SSBP3: variants seen among roughly 807,000 people sequenced by gnomAD.
SSBP3 encodes single stranded DNA binding protein 3, also known as single-stranded DNA-binding protein 3.
SSBP3 carries 5 observed loss-of-function variants against 69.6 expected under a neutral mutation model. The observed-to-expected ratio is 0.07, with a 90% CI of 0.04 to 0.15. The LOEUF is 0.15. Ranked by LOEUF, SSBP3 falls within the 10% of genes least tolerant of loss-of-function variation. The probability of loss-of-function intolerance (pLI) is 1.00; values close to 1 mark genes in which losing one functional copy is unlikely to be tolerated. For missense variants in SSBP3, 312 were observed against 534.0 expected (o/e 0.58, Z 4.10); for synonymous variants, 196 against 193.4 (o/e 1.01, Z -0.11).
chr1:54,397,899 C>T (rs1442190909), intron 4 of SSBP3, among the ~76,000 whole-genome samples: 1 of 152,234 alleles, frequency 6.6e-6, no homozygotes, highest in Non-Finnish European at 1.5e-5. Context: ...CAGGTCTCGC[C>T]TCTGCCAGTG....
chr1:54,404,353 C>T (rs1484606644), intron 3 of SSBP3, among the ~76,000 whole-genome samples: 1 of 152,244 alleles, frequency 6.6e-6, no homozygotes, highest in Non-Finnish European at 1.5e-5. Context: ...ACCCCAACAC[C>T]ACAGATGGTT....
chr1:54,264,698 G>A (rs994650183), intron 5 of SSBP3, among the ~76,000 whole-genome samples: 2 of 152,218 alleles, frequency 1.3e-5, no homozygotes, highest in African/African-American at 4.8e-5. Flanking sequence ...AGCTGTGAGA[G>A]TTCTCTGTAA....
chr1:54,238,317 C>A (rs1356670046), intron 14 of SSBP3: 1 of 470,978 alleles, frequency 2.1e-6, no homozygotes, highest in Non-Finnish European at 4.4e-6. Context: ...ACTTTAGGGC[C>A]CCAGGCCCAC....
At chr1:54,260,015 T>C (rs1228866595) in intron 5 of SSBP3, among the ~76,000 whole-genome samples, 1 of 152,234 alleles carries the variant, frequency 6.6e-6, no homozygotes, top group Non-Finnish European at 1.5e-5. Flanking sequence ...ACTGTGATAA[T>C]GGCACTGATT....
chr1:54,276,795 C>G (rs1451701085), intron 5 of SSBP3, among the ~76,000 whole-genome samples: 2 of 152,006 alleles, frequency 1.3e-5, no homozygotes, highest in Non-Finnish European at 2.9e-5. Flanking sequence ...TGGATCAAGC[C>G]CATACTCAAC....
At chr1:54,390,673 C>A (rs544049868) in intron 4 of SSBP3, among the ~76,000 whole-genome samples, 1 of 152,226 alleles carries the variant, frequency 6.6e-6, no homozygotes, top group Admixed American at 6.5e-5. Context: ...TTGGCCAATT[C>A]GGAGATAACG....
At chr1:54,225,441 A>C (rs1003816344) in exon 18 of SSBP3, 3 of 1,227,662 alleles carry the variant, frequency 2.4e-6, no homozygotes, top group Non-Finnish European at 2.0e-6. Context: ...CTGCGGAAAA[A>C]AGATGTCCCT....
intron 4 of SSBP3, among the ~76,000 whole-genome samples, chr1:54,378,180 A>G (rs936934844): frequency 6.6e-6 from 1 of 152,220 alleles, no homozygotes; most frequent in African/African-American, 2.4e-5. Context: ...AAATGAACTG[A>G]ATCCAGCCCA....
chr1:54,231,723 C>T (rs964568521), intron 14 of SSBP3, among the ~76,000 whole-genome samples: 1 of 152,084 alleles, frequency 6.6e-6, no homozygotes, highest in African/African-American at 2.4e-5. Flanking sequence ...GAGACGGGTT[C>T]TCACTCTGTC....
chr1:54,293,286 AG>A (rs1257814969), intron 4 of SSBP3, among the ~76,000 whole-genome samples: 3 of 151,938 alleles, frequency 2.0e-5, no homozygotes. Flanking sequence ...AGATCTGCTA[AG>A]GGGGTGGGGC....
upstream of SSBP3, among the ~76,000 whole-genome samples, chr1:54,407,748 GATT>G (rs1331683415): frequency 5.8e-5 from 5 of 86,350 alleles, no homozygotes; most frequent in African/African-American, 2.3e-4. Flanking sequence ...AGCCTAGGTT[GATT>G]TTTTTTTTTT....
intron 7 of SSBP3, among the ~76,000 whole-genome samples, chr1:54,256,515 C>T (rs1303331735): frequency 6.6e-6 from 1 of 152,056 alleles, no homozygotes. Context: ...CATATGACCC[C>T]AGGCAAAAAT....
intron 10 of SSBP3, 153 bp downstream of exon 10, chr1:54,243,082 C>T (rs941508176): frequency 1.3e-5 from 10 of 758,502 alleles, no homozygotes; most frequent in African/African-American, 6.9e-5. Flanking sequence ...GCTCTCATCA[C>T]CAGGATCATC....
At chr1:54,225,572 T>G (rs1249529212) in exon 18 of SSBP3, 1 of 551,930 alleles carries the variant, frequency 1.8e-6, no homozygotes, top group Non-Finnish European at 2.7e-6. Flanking sequence ...ACAGCTACAA[T>G]GTTCCCAATA....
At chr1:54,296,411 T>G (rs558960556) in intron 4 of SSBP3, among the ~76,000 whole-genome samples, 1 of 152,382 alleles carries the variant, frequency 6.6e-6, no homozygotes, top group African/African-American at 2.4e-5. Flanking sequence ...TATTTTTGTC[T>G]AACTCCATTT....
At chr1:54,325,960 C>T (rs1362161754) in intron 4 of SSBP3, among the ~76,000 whole-genome samples, 1 of 151,452 alleles carries the variant, frequency 6.6e-6, no homozygotes. Flanking sequence ...TCCCCCCCGC[C>T]ACCCCCCACC....
At chr1:54,353,145 G>T (rs1357013041) in intron 4 of SSBP3, among the ~76,000 whole-genome samples, 1 of 152,212 alleles carries the variant, frequency 6.6e-6, no homozygotes, top group Admixed American at 6.5e-5. Flanking sequence ...CCCTGCCACA[G>T]GGAGGACAAC....
At chr1:54,250,948 G>A (rs1158992639) in intron 9 of SSBP3, among the ~76,000 whole-genome samples, 1 of 152,216 alleles carries the variant, frequency 6.6e-6, no homozygotes, top group Non-Finnish European at 1.5e-5. Flanking sequence ...TAAGAGGTAT[G>A]TGAGGGCACC....
At chr1:54,367,021 C>G (rs1415626900) in intron 4 of SSBP3, among the ~76,000 whole-genome samples, 1 of 152,196 alleles carries the variant, frequency 6.6e-6, no homozygotes, top group Admixed American at 6.5e-5. Flanking sequence ...ATTATTTACC[C>G]TGCGGGTTCT....
Sources: gnomAD v4.1 joint callset for allele counts (sites outside exome capture counted in the v4.1 genomes callset) on GRCh38, gnomAD v4.1.1 for gene constraint, MANE v1.5 for transcripts, NCBI Gene and HGNC (gene_info 2026-07-23, HGNC 2026-07-21) for gene names.